The following NOSTRIN variants were observed in gnomAD, a reference collection of about 807,000 sequenced individuals.
NOSTRIN encodes the protein BM247 homolog.
A neutral mutation model predicts 59.0 loss-of-function variants in NOSTRIN; 63 were observed. The ratio of observed to expected loss-of-function variants is 1.07; its 90% CI spans 0.87 to 1.32. The LOEUF is 1.32. Ranked by LOEUF, NOSTRIN falls within the 40% of genes most tolerant of loss-of-function variation. NOSTRIN has a pLI of 0.00. For missense variants in NOSTRIN, 512 were observed against 473.1 expected (o/e 1.08, Z -0.76); for synonymous variants, 200 against 165.4 (o/e 1.21, Z -1.61).
intron 2 of NOSTRIN, among the ~76,000 whole-genome samples, chr2:168,789,397 A>C (rs1258055242): frequency 6.6e-6 from 1 of 152,240 alleles, no homozygotes; most frequent in Admixed American, 6.5e-5. Flanking sequence ...ACGTGGCTGC[A>C]GGCAAGAGGG....
At chr2:168,845,333 A>G (rs1239006877) in intron 8 of NOSTRIN, among the ~76,000 whole-genome samples, 1 of 152,080 alleles carries the variant, frequency 6.6e-6, no homozygotes, top group African/African-American at 2.4e-5. Flanking sequence ...AGGAGATGGG[A>G]GAGACATTTC....
intron 11 of NOSTRIN, chr2:168,856,449 C>T: frequency 2.0e-6 from 1 of 495,170 alleles, no homozygotes; most frequent in African/African-American, 1.9e-5. Context: ...GTGGCATACA[C>T]CTGTAATCCC....
At chr2:168,841,313 G>T (rs1325116181) in intron 7 of NOSTRIN, among the ~76,000 whole-genome samples, 1 of 150,720 alleles carries the variant, frequency 6.6e-6, no homozygotes, top group Non-Finnish European at 1.5e-5. Context: ...TATAAAGTTG[G>T]AGAATAATTC....
intron 2 of NOSTRIN, among the ~76,000 whole-genome samples, chr2:168,788,347 A>G (rs1036728083): frequency 6.6e-6 from 1 of 152,068 alleles, no homozygotes; most frequent in African/African-American, 2.4e-5. Context: ...CTAAACCTCA[A>G]ATAGGACAGA....
In NOSTRIN at chr2:168,855,425, A is replaced by G; in HGVS notation, c.929A>G (p.Gln310Arg). 6.2e-7 allele frequency: 1 copy of G among 1,610,986 alleles called. No individual in the cohort carries two copies. Among genetic ancestry groups the G allele is most frequent in the South Asian group, 1.1e-5 (1 of 90,914 alleles). The change falls in exon 11 of 16, where the codon CAG (glutamine) becomes CGG (arginine). Residue 310 changes from glutamine to arginine, a missense_variant. Transcript: ENST00000317647. Reference sequence around the variant, plus strand: ...CTAAAACCAAAATTATTGAGACTGCAGAGAGACATTGAAAAAGCCTCAAAA... The same window carrying G: ...CTAAAACCAAAATTATTGAGACTGCGGAGAGACATTGAAAAAGCCTCAAAA... Reference protein sequence around the residue: ...SLLKPKLLRLQRDIEKASKDK... With the variant: ...SLLKPKLLRLRRDIEKASKDK...
intron 2 of NOSTRIN, 109 bp downstream of exon 2, chr2:168,811,761 A>AT: frequency 3.8e-6 from 2 of 528,012 alleles, no homozygotes; most frequent in African/African-American, 2.0e-5. Flanking sequence ...GTGGTGTTAT[A>AT]TTTTGGTACT....
At chr2:168,796,633 C>T (rs1685485619), upstream of NOSTRIN, among the ~76,000 whole-genome samples, 2 of 152,168 alleles carry the variant, frequency 1.3e-5, no homozygotes, top group Non-Finnish European at 2.9e-5. Flanking sequence ...CTCTCCTTAC[C>T]TCATCTGTTT....
At chr2:168,822,619 A>G (rs1387348565) in intron 2 of NOSTRIN, among the ~76,000 whole-genome samples, 1 of 152,262 alleles carries the variant, frequency 6.6e-6, no homozygotes, top group African/African-American at 2.4e-5. Flanking sequence ...CATAATATAA[A>G]TTGAACTTAA....
At chr2:168,858,094 A>G (rs1689231225) in intron 12 of NOSTRIN, among the ~76,000 whole-genome samples, 1 of 152,230 alleles carries the variant, frequency 6.6e-6, no homozygotes, top group Non-Finnish European at 1.5e-5. Context: ...TTAGTTAACT[A>G]CTGATGCCAT....
chr2:168,792,862 T>C (rs960321472), intron 2 of NOSTRIN, among the ~76,000 whole-genome samples: 4 of 152,228 alleles, frequency 2.6e-5, no homozygotes, highest in Non-Finnish European at 5.9e-5. Flanking sequence ...ACAGTCGTTA[T>C]GTATACTCTG....
At chr2:168,805,004 A>G (rs1326500696) in intron 1 of NOSTRIN, among the ~76,000 whole-genome samples, 1 of 152,232 alleles carries the variant, frequency 6.6e-6, no homozygotes. Flanking sequence ...GTATGTTAAT[A>G]AAAAAGCACA....
chr2:168,791,540 A>C (rs1160336188), intron 2 of NOSTRIN, among the ~76,000 whole-genome samples: 1 of 152,170 alleles, frequency 6.6e-6, no homozygotes, highest in African/African-American at 2.4e-5. Context: ...TAGTATTTCT[A>C]GTTCTAGATC....
At chr2:168,840,302 G>A (rs925472585) in intron 7 of NOSTRIN, among the ~76,000 whole-genome samples, 1 of 151,988 alleles carries the variant, frequency 6.6e-6, no homozygotes, top group South Asian at 2.1e-4. Flanking sequence ...AGGCTGAAAC[G>A]GGCGGATCAC....
chr2:168,865,340 C>T lies in NOSTRIN; in HGVS notation c.*370C>T. The T allele has an allele frequency of 5.7e-6, 1 of 174,948 alleles. No homozygotes were observed. Among genetic ancestry groups the T allele is most frequent in the Non-Finnish European group, 1.2e-5 (1 of 81,898 alleles). The allele number at this position is 174,948 out of a possible 1,614,324, so 10.8% of individuals were successfully genotyped here. ...AGCAGTGGGACTTAGATGTCTTTTT[C>T]CTCTGGATTTGGGTGGCAACAGAAC... On this transcript the variant is annotated 3_prime_UTR_variant, in exon 16 of 16. Transcript: ENST00000317647.
chr2:168,864,126 C>T (rs1689686479), intron 15 of NOSTRIN, among the ~76,000 whole-genome samples: 1 of 151,998 alleles, frequency 6.6e-6, no homozygotes, highest in Admixed American at 6.6e-5. Context: ...TGCCACCATG[C>T]CTGGCTAATT....
At position 168,851,307 on chromosome 2, in the gene NOSTRIN, G is replaced by A; in HGVS notation, c.758G>A (p.Ser253Asn). Residue 253 changes from serine (S) to asparagine (N), a missense_variant, in exon 10 of 16, where the codon AGC becomes AAC. Physicochemically the swap from Ser to Asn is conservative, Grantham distance 46. Coordinates refer to ENST00000317647, the MANE Select transcript of NOSTRIN (RefSeq NM_001039724.4). The stretch of plus-strand genomic sequence containing the variant: ...CACACGCAGATTCACTGTGCCATCA[G>A]CAAGATTGACATTGAAAAAGATATC... The part of the protein sequence containing the change: ...TCHTQIHCAI[S>N]KIDIEKDIQA... 6.2e-7 allele frequency: 1 copy of A among 1,613,786 alleles called. No homozygotes were observed. The highest frequency in any genetic ancestry group is 8.5e-7 in the Non-Finnish European group (1 of 1,179,966).
chr2:168,806,916 C>G (rs1685878675), intron 1 of NOSTRIN, among the ~76,000 whole-genome samples: 2 of 152,154 alleles, frequency 1.3e-5, no homozygotes, highest in African/African-American at 4.8e-5. Context: ...GCACATAACA[C>G]TTAAAGGCTA....
At chr2:168,837,877 T>C (rs1009920926) in intron 7 of NOSTRIN, among the ~76,000 whole-genome samples, 1 of 152,212 alleles carries the variant, frequency 6.6e-6, no homozygotes, top group African/African-American at 2.4e-5. Context: ...AATGCTTTTA[T>C]TTTCCTCCTA....
At chr2:168,805,543 C>T (rs746781843) in intron 1 of NOSTRIN, among the ~76,000 whole-genome samples, 4 of 152,222 alleles carry the variant, frequency 2.6e-5, no homozygotes, top group Non-Finnish European at 5.9e-5. Flanking sequence ...TAGCACCTTC[C>T]TATCAAACAA....
Sources: gnomAD v4.1 joint callset for allele counts (sites outside exome capture counted in the v4.1 genomes callset) on GRCh38, gnomAD v4.1.1 for gene constraint, MANE v1.5 for transcripts, NCBI Gene and HGNC (gene_info 2026-07-23, HGNC 2026-07-21) for gene names.